USP15: variants seen among roughly 807,000 people sequenced by gnomAD.
USP15 encodes the protein ubiquitin carboxyl-terminal hydrolase 15.
In USP15, 18 loss-of-function variants were observed where a neutral mutation model predicts 127.1. The observed-to-expected ratio is 0.14, with a 90% CI of 0.10 to 0.21. The LOEUF (loss-of-function observed/expected upper bound fraction) is 0.21. Ranked by LOEUF, USP15 falls within the 10% of genes least tolerant of loss-of-function variation. The probability of loss-of-function intolerance (pLI) is 1.00; values close to 1 mark genes in which losing one functional copy is unlikely to be tolerated. For missense variants in USP15, 805 were observed against 1,159.9 expected (o/e 0.69, Z 4.44); for synonymous variants, 364 against 393.7 (o/e 0.92, Z 0.89).
At position 62,382,092 on chromosome 12, in the gene USP15, G is replaced by C. The variant is rs187964544; in HGVS notation, c.1089+429G>C. On this transcript the variant is annotated intron_variant, in intron 9 of 21. Coordinates refer to ENST00000280377, the MANE Select transcript of USP15 (RefSeq NM_001252078.2). ...ACTCTAAGAACCCATTTTACTTTGA[G>C]AGTCATTATGAATTTGAAAAATTAT... is the stretch of plus-strand genomic sequence containing the variant. Among the ~76,000 whole-genome samples the C allele has an allele frequency of 5.9e-5, 9 of 152,066 alleles. No individual in the cohort carries two copies. The East Asian group carries it at 1.5e-3, about 26-fold the overall frequency.
At chr12:62,283,659 T>A (rs903014372) in intron 1 of USP15, among the ~76,000 whole-genome samples, 2 of 152,138 alleles carry the variant, frequency 1.3e-5, no homozygotes, top group African/African-American at 2.4e-5. Flanking sequence ...TTAAAAAAAT[T>A]AGGCTGAGCA....
chr12:62,364,835 T>A (rs1565888903), intron 8 of USP15, among the ~76,000 whole-genome samples: 1 of 152,156 alleles, frequency 6.6e-6, no homozygotes, highest in African/African-American at 2.4e-5. Context: ...TGTGATAGTT[T>A]GCTGAGAATG....
At chr12:62,270,732 A>G (rs1214301310) in intron 1 of USP15, among the ~76,000 whole-genome samples, 4 of 152,240 alleles carry the variant, frequency 2.6e-5, no homozygotes, top group African/African-American at 7.2e-5. Context: ...GTACCAGATT[A>G]TAACTGTGTA....
chr12:62,358,215 A>G (rs1279432799), intron 8 of USP15, among the ~76,000 whole-genome samples: 2 of 152,180 alleles, frequency 1.3e-5, no homozygotes, highest in African/African-American at 4.8e-5. Flanking sequence ...GGTTATACTT[A>G]GCCCATCAGT....
intron 7 of USP15, among the ~76,000 whole-genome samples, chr12:62,349,738 A>C (rs1168842878): frequency 6.6e-6 from 1 of 152,078 alleles, no homozygotes; most frequent in Non-Finnish European, 1.5e-5. Flanking sequence ...TTTCTTGAGA[A>C]GTTCAGAAAA....
intron 19 of USP15, 144 bp from the exon 20 acceptor site, chr12:62,396,147 TAGTG>T: frequency 3.0e-6 from 1 of 333,546 alleles, no homozygotes. Flanking sequence ...ATAATTTCCT[TAGTG>T]AGATATATAT....
rs1397041029 is a variant in USP15 at position 62,314,878 on chromosome 12, ATGT to A, written c.441_443del (p.Val148del). On this transcript the variant is annotated inframe_deletion, in exon 4 of 22. Coordinates refer to ENST00000280377, the MANE Select transcript of USP15 (RefSeq NM_001252078.2). ...CTATGTGAAAATGGAAACATGAATA[ATGT>A]TGTAACTCGAAGATTTAGCAAAGCT... 1.6e-5 allele frequency: 25 copies of A among 1,597,306 alleles called. No homozygotes were observed. Among genetic ancestry groups the A allele is most frequent in the Non-Finnish European group, 1.9e-5 (22 of 1,171,942 alleles).
intron 2 of USP15, among the ~76,000 whole-genome samples, chr12:62,302,444 T>C (rs1289403337): frequency 6.6e-6 from 1 of 152,244 alleles, no homozygotes; most frequent in African/African-American, 2.4e-5. Flanking sequence ...AGCAATAGTT[T>C]ATTTTGAAAT....
chr12:62,359,592 G>A (rs1034134494), intron 8 of USP15, among the ~76,000 whole-genome samples: 3 of 152,176 alleles, frequency 2.0e-5, no homozygotes, highest in Non-Finnish European at 2.9e-5. Flanking sequence ...CTCCATAACC[G>A]TTCTATCTGT....
intron 20 of USP15, among the ~76,000 whole-genome samples, chr12:62,399,242 A>G (rs1266492774): frequency 6.6e-6 from 1 of 152,204 alleles, no homozygotes; most frequent in East Asian, 1.9e-4. Flanking sequence ...ACAATACAGC[A>G]TGCACAGCAA....
intron 11 of USP15, among the ~76,000 whole-genome samples, chr12:62,387,851 T>G (rs544456253): frequency 6.6e-6 from 1 of 152,270 alleles, no homozygotes; most frequent in East Asian, 1.9e-4. Flanking sequence ...GAAGAAAGAA[T>G]AATTGCTTGG....
At chr12:62,339,125 C>T (rs1397931586) in intron 6 of USP15, among the ~76,000 whole-genome samples, 2 of 151,946 alleles carry the variant, frequency 1.3e-5, no homozygotes, top group African/African-American at 2.4e-5. Context: ...AGGTGGTATT[C>T]GTAGGTATTT....
At chr12:62,390,837 C>T in intron 14 of USP15, 27 bp from the exon 15 acceptor site, 1 of 1,542,820 alleles carries the variant, frequency 6.5e-7, no homozygotes, top group Non-Finnish European at 8.9e-7. Flanking sequence ...TAGTACTGAA[C>T]TTGTTTGATT....
intron 3 of USP15, chr12:62,312,439 A>G (rs1027781918): frequency 6.4e-6 from 1 of 156,240 alleles, no homozygotes; most frequent in African/African-American, 2.4e-5. Flanking sequence ...AATAGAAATT[A>G]TTTATTTTAA....
chr12:62,369,342 A>G (rs1344153351), intron 8 of USP15, among the ~76,000 whole-genome samples: 1 of 152,190 alleles, frequency 6.6e-6, no homozygotes, highest in Non-Finnish European at 1.5e-5. Flanking sequence ...ATTATAGCTT[A>G]TGCTAGTTTC....
rs144025062 is a variant in USP15 at position 62,274,535 on chromosome 12, C to T, written c.89+14032C>T. On this transcript the variant is annotated intron_variant, in intron 1 of 21. Coordinates refer to ENST00000280377, the MANE Select transcript of USP15 (RefSeq NM_001252078.2). ...GTGGTGCTGTCTGTCGTCCCAGCTA[C>T]TTGGAAGGCTGAGGCAAGAGAATCA... is the stretch of plus-strand genomic sequence containing the variant. 1.4e-4 allele frequency among the ~76,000 whole-genome samples: 21 copies of T among 151,984 alleles called. 1 individual carries two copies. In the East Asian group the frequency reaches 3.9e-3, roughly 28 times the overall value.
At chr12:62,386,423 C>T (rs34339271) in intron 11 of USP15, among the ~76,000 whole-genome samples, 9,733 of 151,940 alleles carry the variant, frequency 0.064, 401 homozygotes, top group Middle Eastern at 0.095. Flanking sequence ...TGTTTCTAGT[C>T]CTTGTTCTTC....
At chr12:62,286,675 T>C (rs892322295) in intron 1 of USP15, among the ~76,000 whole-genome samples, 9 of 152,072 alleles carry the variant, frequency 5.9e-5, no homozygotes, top group East Asian at 1.9e-4. Flanking sequence ...TGGTGGCTCA[T>C]GCCTGTAATC....
In USP15 at chr12:62,355,344, A is replaced by C; in HGVS notation, c.784A>C (p.Asn262His). The part of the protein sequence containing the change: ...NMNNRNVKNS[N>H]YCLPSYTAYK... ...TTTTTCTTCCAGTGTGAAAAACTCA[A>C]ATTACTGTCTTCCATCATATACCGC... The change falls in exon 8 of 22, where the codon AAT becomes CAT. Residue 262 changes from asparagine to histidine, a missense_variant. Asn to His is a moderately conservative substitution (Grantham distance 68, BLOSUM62 1). Coordinates refer to ENST00000280377, the MANE Select transcript of USP15 (RefSeq NM_001252078.2). 4.4e-6 allele frequency: 7 copies of C among 1,590,252 alleles called. No individual in the cohort carries two copies. The highest frequency in any genetic ancestry group is 6.0e-6 in the Non-Finnish European group (7 of 1,171,680).
Sources: gnomAD v4.1 joint callset for allele counts (sites outside exome capture counted in the v4.1 genomes callset) on GRCh38, gnomAD v4.1.1 for gene constraint, MANE v1.5 for transcripts, NCBI Gene and HGNC (gene_info 2026-07-23, HGNC 2026-07-21) for gene names.